Variants in SPSB1 observed in about 807,000 individuals in gnomAD.
SPSB1 encodes the protein SPRY domain-containing SOCS box protein 1.
A neutral mutation model predicts 21.2 loss-of-function variants in SPSB1; 8 were observed. The ratio of observed to expected loss-of-function variants is 0.38; its 90% CI spans 0.22 to 0.68. The LOEUF (loss-of-function observed/expected upper bound fraction) is 0.68, where lower values mean the gene tolerates loss of function less well. SPSB1 is among the 30% of genes least tolerant of loss of function. SPSB1 has a pLI of 0.53. For missense variants in SPSB1, 242 were observed against 377.8 expected, an observed-to-expected ratio of 0.64 and a Z score of 2.98; for synonymous variants, 169 against 161.7, an observed-to-expected ratio of 1.05 and a Z score of -0.34.
At chr1:9,354,948 G>A (rs1260013458) in intron 1 of SPSB1, among the ~76,000 whole-genome samples, 4 of 152,198 alleles carry the variant, frequency 2.6e-5, no homozygotes, top group African/African-American at 9.6e-5. Context: ...AGGCATCCTA[G>A]CATCGGACTT....
In SPSB1 at chr1:9,293,216, G is replaced by A. The variant is rs1478359331; in HGVS notation, c.-150+145G>A. The A allele has an allele frequency of 2.2e-6, 2 of 928,494 alleles. No individual in the cohort carries two copies. Among genetic ancestry groups the A allele is most frequent in the South Asian group, 4.8e-5 (1 of 20,640 alleles). The allele number at this position is 928,494 out of a possible 1,614,324, so 57.5% of individuals were successfully genotyped here. Reference sequence around the variant, plus strand: ...GCGCGGGGCCGGGCGCGGGGGAGCGGGTGGAGTACGGGATGGGGACTCGGG... The same window carrying A: ...GCGCGGGGCCGGGCGCGGGGGAGCGAGTGGAGTACGGGATGGGGACTCGGG... On this transcript the variant is annotated intron_variant, in intron 1 of 2. Coordinates refer to ENST00000328089, the MANE Select transcript of SPSB1 (RefSeq NM_025106.4). This position sits in a 1 kb window ranked among gnomAD's most constrained non-coding sequence, Gnocchi z 5.1.
chr1:9,329,486 G>A (rs1379350599), intron 1 of SPSB1, among the ~76,000 whole-genome samples: 1 of 152,014 alleles, frequency 6.6e-6, no homozygotes, highest in Non-Finnish European at 1.5e-5. Flanking sequence ...CCACCCATCA[G>A]AAGTTAGTGC....
intron 2 of SPSB1, among the ~76,000 whole-genome samples, chr1:9,365,997 C>CA (rs922416279): frequency 9.8e-5 from 15 of 152,374 alleles, no homozygotes; most frequent in African/African-American, 3.6e-4. Flanking sequence ...TTCCAACGCT[C>CA]AGAAGCCTTG....
intron 2 of SPSB1, among the ~76,000 whole-genome samples, chr1:9,366,645 C>G (rs1355036912): frequency 6.6e-6 from 1 of 151,180 alleles, no homozygotes; most frequent in Non-Finnish European, 1.5e-5. Flanking sequence ...GTGATCTCAG[C>G]CCACTGCAAC....
rs541984418 is a variant in SPSB1, at chr1:9,328,985, G to C, written c.-149-26758G>C. Among the ~76,000 whole-genome samples, 3 of 152,324 alleles carry C rather than the reference G, an allele frequency of 2.0e-5. No individual in the cohort carries two copies. In the East Asian group the frequency reaches 5.8e-4, roughly 29 times the overall value. On this transcript the variant is annotated intron_variant, in intron 1 of 2. Transcript: ENST00000328089. ...GGAGGGAGGGTAGTAAAATCACCCA[G>C]GTTGAAAACCACTGCTCTGTCCTAC...
At chr1:9,339,187 C>T (rs1028095632) in intron 1 of SPSB1, 51 of 978,708 alleles carry the variant, frequency 5.2e-5, no homozygotes, top group Admixed American at 4.9e-4. Flanking sequence ...CTCCCCCCAG[C>T]GGTGAGGACC....
intron 1 of SPSB1, among the ~76,000 whole-genome samples, chr1:9,340,283 G>T (rs529269343): frequency 3.3e-5 from 5 of 152,280 alleles, no homozygotes; most frequent in Non-Finnish European, 5.9e-5. Flanking sequence ...GGAGGGGCCT[G>T]GGGGGGAAGG....
intron 1 of SPSB1, among the ~76,000 whole-genome samples, chr1:9,325,228 C>A (rs58976108): frequency 0.31 from 7,449 of 23,656 alleles, 595 homozygotes; most frequent in African/African-American, 0.4. Context: ...CACCACCACC[C>A]CCCCCCCCCG....
intron 2 of SPSB1, among the ~76,000 whole-genome samples, chr1:9,365,277 C>T (rs1265668697): frequency 6.6e-6 from 1 of 152,134 alleles, no homozygotes; most frequent in Non-Finnish European, 1.5e-5. Context: ...TCTCCCAAGT[C>T]CTGGCTGATT....
At chr1:9,314,183 A>C (rs1639571443) in intron 1 of SPSB1, among the ~76,000 whole-genome samples, 1 of 151,358 alleles carries the variant, frequency 6.6e-6, no homozygotes, top group South Asian at 2.1e-4. Context: ...CTCAAAAAAA[A>C]AAAACAAAAA....
chr1:9,304,798 C>A (rs751821229), intron 1 of SPSB1, among the ~76,000 whole-genome samples: 2 of 152,066 alleles, frequency 1.3e-5, no homozygotes, highest in African/African-American at 2.4e-5. Context: ...CTCAGCCCCC[C>A]AGTAGCTGGG....
chr1:9,319,706 A>G (rs918018585), intron 1 of SPSB1, among the ~76,000 whole-genome samples: 1 of 152,150 alleles, frequency 6.6e-6, no homozygotes, highest in African/African-American at 2.4e-5. Context: ...CCAGATCTGC[A>G]GTGCAGAGCA....
intron 1 of SPSB1, among the ~76,000 whole-genome samples, chr1:9,303,007 C>T (rs1259043506): frequency 6.6e-6 from 1 of 152,168 alleles, no homozygotes; most frequent in Non-Finnish European, 1.5e-5. Context: ...ACAGTGATTC[C>T]ATTGAACGGG....
rs1011144313 is a variant in SPSB1, at chr1:9,305,613, G to A, written c.-150+12542G>A. Among the ~76,000 whole-genome samples the A allele has an allele frequency of 3.3e-5, 5 of 152,186 alleles. No homozygotes were observed. The highest frequency in any genetic ancestry group is 2.1e-4 in the South Asian group (1 of 4,832). On this transcript the variant is annotated intron_variant, in intron 1 of 2. Transcript: ENST00000328089. The surrounding 1 kb of genome is among the most constrained non-coding windows in gnomAD (Gnocchi z 4.8). Reference sequence around the variant, plus strand: ...GCTGGGGGTGGGGACTCCCCGTCACGGAACTAAACTGCCAGGTGTTCCGTT... The same window carrying A: ...GCTGGGGGTGGGGACTCCCCGTCACAGAACTAAACTGCCAGGTGTTCCGTT...
intron 1 of SPSB1, among the ~76,000 whole-genome samples, chr1:9,308,155 G>T (rs529610778): frequency 2.0e-5 from 3 of 152,326 alleles, no homozygotes; most frequent in African/African-American, 7.2e-5. Context: ...GACATGTCAG[G>T]CCCAAAGGGG....
In SPSB1 at chr1:9,369,225, G is replaced by A. The variant is rs1168681206; in HGVS notation, c.*1650G>A. 1 of 151,848 alleles carries A rather than the reference G, an allele frequency of 6.6e-6. No individual in the cohort carries two copies. The highest frequency in any genetic ancestry group is 6.6e-5 in the Admixed American group (1 of 15,192). 9.4% of individuals were successfully genotyped at this position (151,848 alleles called of 1,614,324 possible). A position where few individuals can be genotyped will look rare whatever the true frequency, so the allele number is the denominator to read the frequency against. ...TGACGGTTTTTTTTTTCGGGGCAGG[G>A]GACCTTACCTGTAAGACTTTTAAAG... On this transcript the variant is annotated 3_prime_UTR_variant, in exon 3 of 3. Transcript: ENST00000328089.
chr1:9,344,906 C>T (rs1640146525), intron 1 of SPSB1, among the ~76,000 whole-genome samples: 1 of 152,178 alleles, frequency 6.6e-6, no homozygotes, highest in African/African-American at 2.4e-5. Context: ...CAGAGGTGAC[C>T]TTTGCCAGCT....
At chr1:9,295,453 G>T (rs1639205652) in intron 1 of SPSB1, among the ~76,000 whole-genome samples, 1 of 152,200 alleles carries the variant, frequency 6.6e-6, no homozygotes, top group Non-Finnish European at 1.5e-5. Flanking sequence ...GGGTTTCAGG[G>T]CTCTTAGGAA....
chr1:9,307,002 A>T (rs924612175), intron 1 of SPSB1, among the ~76,000 whole-genome samples: 1 of 148,466 alleles, frequency 6.7e-6, no homozygotes, highest in Non-Finnish European at 1.5e-5. Context: ...GTCTCAGCTC[A>T]CTGCAGCCTC....
Sources: gnomAD v4.1 joint callset for allele counts (sites outside exome capture counted in the v4.1 genomes callset) on GRCh38, gnomAD v4.1.1 for gene constraint, Gnocchi (gnomAD v3.1) non-coding constraint, MANE v1.5 for transcripts, NCBI Gene and HGNC (gene_info 2026-07-23, HGNC 2026-07-21) for gene names.